Variants in BRINP1 observed in about 807,000 individuals in gnomAD.
BRINP1 encodes the protein BMP/retinoic acid-inducible neural-specific protein 1.
BRINP1 carries 17 observed loss-of-function variants against 72.9 expected under a neutral mutation model. The ratio of observed to expected loss-of-function variants is 0.23; its 90% CI spans 0.16 to 0.35. The LOEUF (loss-of-function observed/expected upper bound fraction) is 0.35. BRINP1 is among the 10% of genes least tolerant of loss of function. The pLI is 1.00. For missense variants in BRINP1, 850 were observed against 1,001.6 expected (o/e 0.85, Z 2.04); for synonymous variants, 418 against 378.5 (o/e 1.10, Z -1.21).
intron 7 of BRINP1, among the ~76,000 whole-genome samples, chr9:119,189,324 G>T (rs901880815): frequency 6.6e-6 from 1 of 152,038 alleles, no homozygotes; most frequent in Non-Finnish European, 1.5e-5. Context: ...AAATTCTTCC[G>T]TATCAATAAT....
At chr9:119,358,709 GA>G in intron 1 of BRINP1, among the ~76,000 whole-genome samples, 1 of 151,704 alleles carries the variant, frequency 6.6e-6, no homozygotes, top group East Asian at 1.9e-4. Context: ...AAAAAAAAGA[GA>G]GAGAGAGAGG....
At chr9:119,255,680 G>A (rs1830438623) in intron 2 of BRINP1, among the ~76,000 whole-genome samples, 1 of 152,064 alleles carries the variant, frequency 6.6e-6, no homozygotes, top group Non-Finnish European at 1.5e-5. Context: ...GAGGCCAGGT[G>A]CAGTGGCTCA....
chr9:119,282,260 G>C (rs1830719767), intron 2 of BRINP1, among the ~76,000 whole-genome samples: 1 of 152,128 alleles, frequency 6.6e-6, no homozygotes, highest in African/African-American at 2.4e-5. Flanking sequence ...TGCTGAACTT[G>C]GGAATGGTGC....
At chr9:119,272,923 C>G (rs1158726540) in intron 2 of BRINP1, among the ~76,000 whole-genome samples, 7 of 152,014 alleles carry the variant, frequency 4.6e-5, no homozygotes, top group Admixed American at 2.0e-4. Flanking sequence ...GTTCTTAGAC[C>G]AGAGAATGTG....
In BRINP1 at chr9:119,285,908, C is replaced by T. The variant is rs140523408; in HGVS notation, c.218+27230G>A. Among the ~76,000 whole-genome samples the T allele has an allele frequency of 3.3e-3, 498 of 152,154 alleles. 3 individuals are homozygous for T. Among genetic ancestry groups the T allele is most frequent in the African/African-American group, 0.012 (482 of 41,530 alleles). ...TTAGGAAACTGAGATCCAACTTATA[C>T]CAGGAAGGAAAACTAAAGAGGCTCA... On this transcript the variant is annotated intron_variant, in intron 2 of 7. Transcript: ENST00000265922.
Position 119,249,094 on chromosome 9 carries a change from C to A in BRINP1, c.275G>T (p.Arg92Leu), listed in dbSNP as rs775764190. The A allele has an allele frequency of 6.2e-7, 1 of 1,613,902 alleles. No individual in the cohort carries two copies. Among genetic ancestry groups the A allele is most frequent in the East Asian group, 2.2e-5 (1 of 44,876 alleles). ...CTCCGGCATGAGGGGCACTGGATGG[C>A]GGACCAGATCTCTCCTCTCGATGGC... Reference protein sequence around the residue: ...NTAIERRDLVRHPVPLMPEFQ... With the variant: ...NTAIERRDLVLHPVPLMPEFQ... The change falls in exon 3 of 8, where the codon CGC (arginine) becomes CTC (leucine). Residue 92 changes from arginine (R) to leucine (L), a missense_variant. Transcript: ENST00000265922.
chr9:119,303,753 G>C (rs953091063), intron 2 of BRINP1, among the ~76,000 whole-genome samples: 6 of 152,148 alleles, frequency 3.9e-5, no homozygotes, highest in Non-Finnish European at 7.4e-5. Flanking sequence ...GCAGTTGTTG[G>C]AAGTCCAGTA....
intron 2 of BRINP1, among the ~76,000 whole-genome samples, chr9:119,297,257 T>G (rs887789744): frequency 6.6e-6 from 1 of 152,198 alleles, no homozygotes; most frequent in African/African-American, 2.4e-5. Context: ...GAATTGAGGC[T>G]CAGGGTTATA....
chr9:119,365,927 A>G (rs987114344), intron 1 of BRINP1, among the ~76,000 whole-genome samples: 4 of 152,074 alleles, frequency 2.6e-5, no homozygotes, highest in African/African-American at 9.7e-5. Context: ...TAAAACCCCC[A>G]TGTTTTTCAG....
chr9:119,313,490 G>A, intron 1 of BRINP1, 85 bp from the exon 2 acceptor site: 1 of 1,294,532 alleles, frequency 7.7e-7, no homozygotes, highest in Non-Finnish European at 1.0e-6. Flanking sequence ...AAAAGAAAAA[G>A]ACACAGGAAA....
intron 2 of BRINP1, among the ~76,000 whole-genome samples, chr9:119,269,109 T>G (rs1187136666): frequency 6.6e-6 from 1 of 152,204 alleles, no homozygotes. Flanking sequence ...AGAGATAATG[T>G]GTAAAGTGTT....
intron 7 of BRINP1, among the ~76,000 whole-genome samples, chr9:119,196,366 A>G (rs1416534183): frequency 1.3e-5 from 2 of 152,222 alleles, no homozygotes; most frequent in Non-Finnish European, 1.5e-5. Flanking sequence ...ATCAGCACAG[A>G]GAAGAAATAC....
chr9:119,255,543 T>C (rs1455418635), intron 2 of BRINP1, among the ~76,000 whole-genome samples: 4 of 152,308 alleles, frequency 2.6e-5, no homozygotes, highest in Non-Finnish European at 4.4e-5. Flanking sequence ...AAGTATTGCC[T>C]GTATAGGAAT....
intron 7 of BRINP1, among the ~76,000 whole-genome samples, chr9:119,174,096 T>A (rs1326445008): frequency 6.9e-6 from 1 of 145,210 alleles, no homozygotes; most frequent in Non-Finnish European, 1.5e-5. Context: ...CAATGGCAAC[T>A]GAAGACAAAA....
intron 1 of BRINP1, among the ~76,000 whole-genome samples, chr9:119,326,804 CAG>C (rs1831246114): frequency 1.3e-4 from 20 of 152,128 alleles, no homozygotes; most frequent in Admixed American, 1.3e-3. Flanking sequence ...AATGTAATAA[CAG>C]AGCAAAGACA....
intron 7 of BRINP1, among the ~76,000 whole-genome samples, chr9:119,170,033 A>T (rs543289295): frequency 1.6e-4 from 25 of 152,326 alleles, no homozygotes; most frequent in African/African-American, 5.5e-4. Flanking sequence ...GATGGGGAAA[A>T]AACAGAACAG....
chr9:119,322,486 A>C (rs1334488574), intron 1 of BRINP1, among the ~76,000 whole-genome samples: 1 of 152,194 alleles, frequency 6.6e-6, no homozygotes, highest in African/African-American at 2.4e-5. Context: ...GCACACACTC[A>C]GGAGGAGGAG....
At position 119,182,529 on chromosome 9, in the gene BRINP1, G is replaced by A. The variant is rs79812010; in HGVS notation, c.1146-14305C>T. On this transcript the variant is annotated intron_variant, in intron 7 of 7. Transcript: ENST00000265922. ...AGATATTAGAAGATGGTGCCTTTGC[G>A]AGCTAATTAGGTCATGAAAGTGGAG... Among the ~76,000 whole-genome samples, 572 of 152,260 alleles carry A rather than the reference G, an allele frequency of 3.8e-3. 5 individuals carry two copies. The highest frequency in any genetic ancestry group is 0.013 in the African/African-American group (526 of 41,546).
chr9:119,324,961 G>A (rs982496061), intron 1 of BRINP1, among the ~76,000 whole-genome samples: 1 of 152,006 alleles, frequency 6.6e-6, no homozygotes, highest in Admixed American at 6.6e-5. Flanking sequence ...TTAGCTGGCT[G>A]TGGTGGTGCA....
Sources: gnomAD v4.1 joint callset for allele counts (sites outside exome capture counted in the v4.1 genomes callset) on GRCh38, gnomAD v4.1.1 for gene constraint, MANE v1.5 for transcripts, NCBI Gene and HGNC (gene_info 2026-07-23, HGNC 2026-07-21) for gene names.